Variants in ECE1 observed in about 807,000 individuals in gnomAD.
ECE1 encodes the protein endothelin converting enzyme 1, also known as endothelin-converting enzyme 1.
ECE1 carries 35 observed loss-of-function variants against 98.6 expected under a neutral mutation model. The observed-to-expected ratio is 0.35, with a 90% CI of 0.27 to 0.47. ECE1 has a LOEUF of 0.47. Among genes scored for constraint, ECE1 ranks in the 20% least tolerant of loss-of-function variants. The pLI, the probability that ECE1 is intolerant of heterozygous loss-of-function variation, is 1.00. For synonymous variants in ECE1, 394 were observed against 407.1 expected (o/e 0.97, Z 0.39); for missense variants, 814 against 1,025.3 (o/e 0.79, Z 2.81).
intron 10 of ECE1, 91 bp downstream of exon 10, chr1:21,244,898 C>G: frequency 8.0e-7 from 1 of 1,243,388 alleles, no homozygotes; most frequent in Admixed American, 1.8e-5. Flanking sequence ...CCACCCCCAG[C>G]TGGCTGAGGT....
intron 1 of ECE1, among the ~76,000 whole-genome samples, chr1:21,341,707 A>C (rs763616356): frequency 1.7e-4 from 26 of 152,194 alleles, no homozygotes; most frequent in Non-Finnish European, 3.1e-4. Context: ...TGAAGTACGC[A>C]CTGTGCTCTG....
intron 12 of ECE1, among the ~76,000 whole-genome samples, 183 bp from the exon 13 acceptor site, chr1:21,236,110 G>C (rs1342978540): frequency 6.6e-6 from 1 of 152,208 alleles, no homozygotes; most frequent in African/African-American, 2.4e-5. Context: ...TATCCCTTAG[G>C]TCTCTGTTTA....
intron 10 of ECE1, among the ~76,000 whole-genome samples, chr1:21,241,599 T>C (rs1283209018): frequency 6.6e-6 from 1 of 152,040 alleles, no homozygotes; most frequent in African/African-American, 2.4e-5. Context: ...TTTTTTGTAG[T>C]TTTAGTAGAG....
chr1:21,222,125 C>T, intron 17 of ECE1: 1 of 482,692 alleles, frequency 2.1e-6, no homozygotes, highest in Non-Finnish European at 3.8e-6. Flanking sequence ...AGCCAAGATG[C>T]ATCTCAAACT....
chr1:21,321,866 T>C (rs1394209296), intron 1 of ECE1, among the ~76,000 whole-genome samples: 2 of 152,206 alleles, frequency 1.3e-5, no homozygotes, highest in African/African-American at 4.8e-5. Context: ...TCCACCCACC[T>C]TGGCCTCCCA....
At position 21,279,302 on chromosome 1, in the gene ECE1, T is replaced by C. The variant is rs1395495242; in HGVS notation, c.169A>G (p.Arg57Gly). The change falls in exon 3 of 19, where the codon AGG becomes GGG. Residue 57 changes from arginine to glycine, a missense_variant. Coordinates refer to ENST00000374893, the MANE Select transcript of ECE1 (RefSeq NM_001397.3). The stretch of plus-strand genomic sequence containing the variant: ...ACCTGGGTCCGTGCAGCCCAGCACC[T>C]CTGGCCACTCCGGGGGCTGTGGAAG... The part of the protein sequence containing the change: ...VNFHSPRSGQ[R>G]CWAARTQVEK... 6.2e-7 allele frequency: 1 copy of C among 1,613,980 alleles called. No homozygotes were observed. Among genetic ancestry groups the C allele is most frequent in the Non-Finnish European group, 8.5e-7 (1 of 1,180,032 alleles).
chr1:21,258,753 T>C lies in ECE1; in HGVS notation c.702A>G (p.Ser234=). The C allele has an allele frequency of 6.2e-7, 1 of 1,613,718 alleles. No homozygotes were observed. The highest frequency in any genetic ancestry group is 1.1e-5 in the South Asian group (1 of 91,060). ...CACTGACATAGACAGAGAAGAAGGG[T>C]GAGGTGCGGTAGTGGGCGGTGACCA... The part of the protein sequence containing the change: ...LQVVTAHYRT[S]PFFSVYVSAD... Residue 234 remains serine (S), a synonymous_variant, in exon 6 of 19, where the codon TCA becomes TCG. Transcript: ENST00000374893. The surrounding 1 kb of genome is among the most constrained non-coding windows in gnomAD (Gnocchi z 4.2).
intron 1 of ECE1, among the ~76,000 whole-genome samples, chr1:21,309,831 G>A (rs1231619170): frequency 4.4e-5 from 6 of 135,306 alleles, no homozygotes; most frequent in South Asian, 2.3e-4. Context: ...TCGCTCTGTC[G>A]CCCAGGCTAG....
chr1:21,278,776 T>C (rs1158980931), intron 3 of ECE1, among the ~76,000 whole-genome samples: 1 of 152,196 alleles, frequency 6.6e-6, no homozygotes, highest in Non-Finnish European at 1.5e-5. Flanking sequence ...ATGTGTGTAA[T>C]TACCCCACAT....
intron 2 of ECE1, among the ~76,000 whole-genome samples, chr1:21,283,303 C>A (rs2098257051): frequency 6.6e-6 from 1 of 151,424 alleles, no homozygotes; most frequent in Non-Finnish European, 1.5e-5. Context: ...CAGAGTCTCA[C>A]TGTGTCGCCC....
Position 21,327,865 on chromosome 1 carries a change from T to C in ECE1, c.3+17511A>G, listed in dbSNP as rs1639116908. ...GATCAGCGGTGGCATTAGATTCTCGTAGGAGCGCGAACCCTATTGTGAACT... is the reference window on the plus strand; with the variant it reads ...GATCAGCGGTGGCATTAGATTCTCGCAGGAGCGCGAACCCTATTGTGAACT... On this transcript the variant is annotated intron_variant, in intron 1 of 18. Coordinates refer to the ECE1 transcript ENST00000415912. The surrounding 1 kb of genome is among the most constrained non-coding windows in gnomAD (Gnocchi z 4.6). Among the ~76,000 whole-genome samples the C allele has an allele frequency of 1.3e-5, 2 of 152,174 alleles. No homozygotes were observed. The highest frequency in any genetic ancestry group is 2.9e-5 in the Non-Finnish European group (2 of 68,034).
intron 14 of ECE1, among the ~76,000 whole-genome samples, 175 bp from the exon 15 acceptor site, chr1:21,228,216 T>C (rs1046423348): frequency 1.3e-5 from 2 of 152,084 alleles, no homozygotes; most frequent in African/African-American, 4.8e-5. Context: ...ACTGTTTGTT[T>C]TGAGACAGGG....
At chr1:21,229,972 ACCAGC>A (rs1371981548) in intron 14 of ECE1, among the ~76,000 whole-genome samples, 1 of 152,046 alleles carries the variant, frequency 6.6e-6, no homozygotes, top group Non-Finnish European at 1.5e-5. Flanking sequence ...AGAGTTTGAG[ACCAGC>A]CTGGGCAAAA....
chr1:21,324,582 C>T (rs369702171), intron 1 of ECE1, among the ~76,000 whole-genome samples: 1 of 152,170 alleles, frequency 6.6e-6, no homozygotes, highest in Non-Finnish European at 1.5e-5. Context: ...GCTCTCCCCA[C>T]CCCCGCCCCT....
At chr1:21,253,992 C>A (rs952160115) in intron 8 of ECE1, among the ~76,000 whole-genome samples, 1 of 147,960 alleles carries the variant, frequency 6.8e-6, no homozygotes, top group Non-Finnish European at 1.5e-5. Context: ...TCGCTTGAAC[C>A]TGGGAGGCAG....
chr1:21,318,180 C>G (rs1638873345), intron 1 of ECE1, among the ~76,000 whole-genome samples: 1 of 152,138 alleles, frequency 6.6e-6, no homozygotes, highest in East Asian at 1.9e-4. Context: ...GTGGGCAAGA[C>G]CTGGCGTGGC....
chr1:21,275,281 A>G (rs2098245218), intron 3 of ECE1, among the ~76,000 whole-genome samples: 1 of 152,066 alleles, frequency 6.6e-6, no homozygotes, highest in Non-Finnish European at 1.5e-5. Flanking sequence ...TAAAAACAAA[A>G]CAAGAAACTA....
At chr1:21,273,584 G>A (rs1369111200) in intron 3 of ECE1, among the ~76,000 whole-genome samples, 1 of 152,146 alleles carries the variant, frequency 6.6e-6, no homozygotes, top group Non-Finnish European at 1.5e-5. Flanking sequence ...AAGGAGGAAA[G>A]CCTATTAGAA....
chr1:21,225,168 T>G lies in ECE1; in HGVS notation c.2040+82A>C, dbSNP rs1262839839. The G allele has an allele frequency of 6.4e-7, 1 of 1,554,556 alleles. No homozygotes were observed. Among genetic ancestry groups the G allele is most frequent in the African/African-American group, 1.4e-5 (1 of 73,854 alleles). On this transcript the variant is annotated intron_variant, in intron 17 of 18. Coordinates refer to ENST00000374893, the MANE Select transcript of ECE1 (RefSeq NM_001397.3). This position sits in a 1 kb window ranked among gnomAD's most constrained non-coding sequence, Gnocchi z 5.3. ...GCACGGCTGCTGCGCCTGCCCTGGT[T>G]GTCCGTGATGATCCTCTACGGACAG...
Sources: allele counts gnomAD v4.1 joint callset (sites outside exome capture counted in the v4.1 genomes callset), GRCh38; gene constraint gnomAD v4.1.1; non-coding constraint Gnocchi (gnomAD v3.1); transcripts MANE v1.5; gene names NCBI Gene and HGNC (gene_info 2026-07-23, HGNC 2026-07-21).